The following SPTA1 variants were observed in gnomAD, a reference collection of about 807,000 sequenced individuals.
SPTA1 encodes the protein spectrin alpha chain, erythrocytic 1.
A neutral mutation model predicts 324.7 loss-of-function variants in SPTA1; 177 were observed. The ratio of observed to expected loss-of-function variants is 0.55; its 90% confidence interval spans 0.48 to 0.62. SPTA1 has a LOEUF of 0.62. Ranked by LOEUF, SPTA1 falls within the 20% of genes least tolerant of loss-of-function variation. The pLI is 0.00. For missense variants in SPTA1, 3,162 were observed against 2,883.6 expected, an observed-to-expected ratio of 1.10 and a Z score of -2.21; for synonymous variants, 1,195 against 1,041.3, an observed-to-expected ratio of 1.15 and a Z score of -2.84.
intron 13 of SPTA1, 32 bp from the exon 14 acceptor site, chr1:158,669,595 C>A: frequency 5.0e-6 from 8 of 1,614,096 alleles, no homozygotes; most frequent in Non-Finnish European, 6.8e-6. Flanking sequence ...TTACTGTCAG[C>A]ACAACCAAAT....
At chr1:158,637,993 G>A (rs1263651437) in intron 36 of SPTA1, 40 bp downstream of exon 36, 2 of 1,599,926 alleles carry the variant, frequency 1.3e-6, no homozygotes, top group South Asian at 1.1e-5. Flanking sequence ...TTATCTACTC[G>A]CTTGTATTAT....
Position 158,662,944 on chromosome 1 carries a change from T to A in SPTA1, c.2222A>T (p.Asp741Val), listed in dbSNP as rs762732402. The change falls in exon 17 of 52, where the codon GAT becomes GTT. Residue 741 changes from aspartate to valine, a missense_variant and splice_region_variant. Coordinates refer to ENST00000643759, the MANE Select transcript of SPTA1 (RefSeq NM_003126.4). ...LLESAVAARQ[D>V]QVDILTDLAA... ...CAGGTCTGTAAGGATATCCACCTGATCCTAAGGGAGAAATAGAATGAATGC... is the reference window on the plus strand; with the variant it reads ...CAGGTCTGTAAGGATATCCACCTGAACCTAAGGGAGAAATAGAATGAATGC... 8.7e-6 allele frequency: 14 copies of A among 1,613,924 alleles called. No individual in the cohort carries two copies. Among genetic ancestry groups the A allele is most frequent in the African/African-American group, 4.0e-5 (3 of 74,990 alleles).
chr1:158,615,136 C>T, intron 48 of SPTA1, 80 bp downstream of exon 48: 2 of 1,545,442 alleles, frequency 1.3e-6, no homozygotes, highest in Admixed American at 1.7e-5. Context: ...TCTGGTGCAC[C>T]AAACTCTCGC....
rs763258808 is a variant in SPTA1, at chr1:158,677,757, A to G, written c.890T>C (p.Val297Ala). The change falls in exon 7 of 52, where the codon GTT becomes GCT. Residue 297 changes from valine (V) to alanine (A), a missense_variant. Transcript: ENST00000643759. ...LTSEDYGKDLVASEGLFHSHK... is the reference protein window; with the variant it reads ...LTSEDYGKDLAASEGLFHSHK... ...ACTGTGAAACAGTCCTTCAGAGGCA[A>G]CAAGGTCTTTGCCATAGTCCTCAGA... 4.3e-6 allele frequency: 7 copies of G among 1,613,616 alleles called. No homozygotes were observed. The African/African-American group carries it at 9.3e-5, about 22-fold the overall frequency.
chr1:158,681,971 T>A (rs1199206946), intron 3 of SPTA1, among the ~76,000 whole-genome samples: 2 of 152,198 alleles, frequency 1.3e-5, no homozygotes, highest in African/African-American at 4.8e-5. Flanking sequence ...TCATTTGAAC[T>A]GAGCCTTATG....
At chr1:158,615,015 G>A in intron 48 of SPTA1, 1 of 607,584 alleles carries the variant, frequency 1.6e-6, no homozygotes, top group Non-Finnish European at 2.9e-6. Flanking sequence ...AGGCTCAGGT[G>A]GATGGAGAGC....
At chr1:158,671,135 T>G (rs1653994004) in intron 12 of SPTA1, among the ~76,000 whole-genome samples, 1 of 152,198 alleles carries the variant, frequency 6.6e-6, no homozygotes, top group African/African-American at 2.4e-5. Context: ...TTTCTCACTA[T>G]ATAAACATTT....
In SPTA1 at chr1:158,669,371, C is replaced by G. The variant is rs778260608; in HGVS notation, c.1833+37G>C. 20 of 1,613,640 alleles carry G rather than the reference C, an allele frequency of 1.2e-5. No homozygotes were observed. In the African/African-American group the frequency reaches 1.7e-4, roughly 14 times the overall value. ...ACTGTACTTCCAATGAAAGGAACTCCTGATAACTACATCCAGCTCCTGAAA... is the reference window on the plus strand; with the variant it reads ...ACTGTACTTCCAATGAAAGGAACTCGTGATAACTACATCCAGCTCCTGAAA... On this transcript the variant is annotated intron_variant, in intron 14 of 51. Transcript: ENST00000643759.
Position 158,639,683 on chromosome 1 carries a change from C to T in SPTA1, c.4879G>A (p.Glu1627Lys), listed in dbSNP as rs748582690. The T allele has an allele frequency of 1.1e-5, 17 of 1,613,820 alleles. 2 individuals carry two copies. The South Asian group carries it at 1.2e-4, about 11-fold the overall frequency. ...TGATCTTTCATGGCCAGCAATGTCT[C>T]TGCCTGGAAATAGAGAAATAAGCAA... Reference protein sequence around the residue: ...RDFEFWLSEAETLLAMKDQAR... With the variant: ...RDFEFWLSEAKTLLAMKDQAR... The change falls in exon 35 of 52, where the codon GAG becomes AAG. Residue 1627 changes from glutamate (E) to lysine (K), a missense_variant. Transcript: ENST00000643759.
chr1:158,626,323 TGACTCTCAAA>T, intron 41 of SPTA1, 101 bp from the exon 42 acceptor site: 1 of 1,104,410 alleles, frequency 9.1e-7, no homozygotes, highest in Non-Finnish European at 1.4e-6. Flanking sequence ...GAAAGCTTCT[TGACTCTCAAA>T]GTTGATGATT....
Position 158,657,468 on chromosome 1 carries a change from C to A in SPTA1, c.2805+9G>T. ...AGGATTCACAATGTTAAACCCACCC[C>A]CACCTTACCCCAGCTGCTTCTTCAT... On this transcript the variant is annotated intron_variant, in intron 19 of 51. Coordinates refer to ENST00000643759, the MANE Select transcript of SPTA1 (RefSeq NM_003126.4). 6.6e-7 allele frequency: 1 copy of A among 1,526,348 alleles called. No individual in the cohort carries two copies. Among genetic ancestry groups the A allele is most frequent in the South Asian group, 1.1e-5 (1 of 89,258 alleles). The allele number at this position is 1,526,348 out of a possible 1,614,324, so 94.6% of individuals were successfully genotyped here.
intron 33 of SPTA1, among the ~76,000 whole-genome samples, chr1:158,642,033 A>G (rs1339940219): frequency 6.6e-6 from 1 of 152,164 alleles, no homozygotes; most frequent in Non-Finnish European, 1.5e-5. Context: ...ACTGGAAACC[A>G]TCATTCTCAG....
chr1:158,675,721 T>C (rs1571517448), intron 8 of SPTA1, among the ~76,000 whole-genome samples: 1 of 152,116 alleles, frequency 6.6e-6, no homozygotes, highest in Non-Finnish European at 1.5e-5. Context: ...AGACAGTCAA[T>C]CCATAACTTA....
At chr1:158,651,657 A>C (rs1652446190) in intron 23 of SPTA1, among the ~76,000 whole-genome samples, 189 bp from the exon 24 acceptor site, 1 of 152,172 alleles carries the variant, frequency 6.6e-6, no homozygotes. Flanking sequence ...GTGGCTGTCC[A>C]AAACTTGTCA....
chr1:158,617,628 C>G, intron 46 of SPTA1, 40 bp from the exon 47 acceptor site: 5 of 1,550,948 alleles, frequency 3.2e-6, no homozygotes, highest in Non-Finnish European at 4.5e-6. Flanking sequence ...CATCACATCA[C>G]AGGTCAATAT....
chr1:158,649,118 T>C (rs1652225461), intron 25 of SPTA1, among the ~76,000 whole-genome samples: 1 of 152,222 alleles, frequency 6.6e-6, no homozygotes, highest in African/African-American at 2.4e-5. Flanking sequence ...TTTTGTTTGT[T>C]TACTTTTTTG....
At chr1:158,625,180 A>T (rs548355620) in intron 42 of SPTA1, among the ~76,000 whole-genome samples, 2 of 152,366 alleles carry the variant, frequency 1.3e-5, no homozygotes, top group South Asian at 4.1e-4. Flanking sequence ...AAAAAACCCT[A>T]AAAAGTGGAA....
chr1:158,642,549 G>A lies in SPTA1; in HGVS notation c.4606-7C>T. Reference sequence around the variant, plus strand: ...GGTGTTTCAGGTATTTCCTCTGAAGGGAAAATGAAACAGAAATTATATTAT... The same window carrying A: ...GGTGTTTCAGGTATTTCCTCTGAAGAGAAAATGAAACAGAAATTATATTAT... On this transcript the variant is annotated splice_polypyrimidine_tract_variant and splice_region_variant and intron_variant, in intron 32 of 51. Coordinates refer to ENST00000643759, the MANE Select transcript of SPTA1 (RefSeq NM_003126.4). 6.2e-7 allele frequency: 1 copy of A among 1,613,292 alleles called. No homozygotes were observed. Among genetic ancestry groups the A allele is most frequent in the South Asian group, 1.1e-5 (1 of 91,046 alleles).
intron 45 of SPTA1, among the ~76,000 whole-genome samples, chr1:158,618,802 T>C (rs984068851): frequency 6.6e-6 from 1 of 152,208 alleles, no homozygotes; most frequent in Non-Finnish European, 1.5e-5. Context: ...ACTTGAACTT[T>C]CCACACTTGG....
Sources: gnomAD v4.1 joint callset for allele counts (sites outside exome capture counted in the v4.1 genomes callset) on GRCh38, gnomAD v4.1.1 for gene constraint, MANE v1.5 for transcripts, NCBI Gene and HGNC (gene_info 2026-07-23, HGNC 2026-07-21) for gene names.